The following UTRN variants were observed in gnomAD, a reference collection of about 807,000 sequenced individuals.
UTRN encodes utrophin.
UTRN carries 283 observed loss-of-function variants against 463.9 expected under a neutral mutation model. That is an observed-to-expected ratio of 0.61 (90% CI 0.55 to 0.67). The LOEUF (loss-of-function observed/expected upper bound fraction) is 0.67. Ranked by LOEUF, UTRN falls within the 30% of genes least tolerant of loss-of-function variation. The pLI is 0.00. For missense variants in UTRN, 3,922 were observed against 4,084.3 expected, an observed-to-expected ratio of 0.96 and a Z score of 1.08; for synonymous variants, 1,442 against 1,431.5, an observed-to-expected ratio of 1.01 and a Z score of -0.17.
intron 51 of UTRN, among the ~76,000 whole-genome samples, chr6:144,666,250 A>T (rs767670780): frequency 4.6e-5 from 7 of 152,210 alleles, no homozygotes; most frequent in Non-Finnish European, 7.3e-5. Context: ...ACGAAGAAAC[A>T]TGATTCATTA....
rs139945367 is a variant in UTRN, at chr6:144,299,603, C to T, written c.79+7696C>T. Among the ~76,000 whole-genome samples the T allele has an allele frequency of 1.4e-3, 214 of 152,032 alleles. 1 individual carries two copies. The highest frequency in any genetic ancestry group is 2.8e-3 in the African/African-American group (114 of 41,430). ...CTAGTGCCGACATATTTCTCCACTG[C>T]GCTCCTTAGTTATTGCTGCAGTGTG... On this transcript the variant is annotated intron_variant, in intron 2 of 74. Transcript: ENST00000367545.
At chr6:144,549,512 T>G (rs1798713808) in intron 47 of UTRN, among the ~76,000 whole-genome samples, 1 of 152,248 alleles carries the variant, frequency 6.6e-6, no homozygotes, top group African/African-American at 2.4e-5. Flanking sequence ...AGATAGGTAC[T>G]GTTTTTATCC....
chr6:144,548,582 C>A, intron 46 of UTRN, 58 bp from the exon 47 acceptor site: 1 of 1,521,802 alleles, frequency 6.6e-7, no homozygotes, highest in Non-Finnish European at 9.0e-7. Flanking sequence ...ACCATGACAC[C>A]ACCATAATTA....
chr6:144,376,309 G>T (rs1290694655), intron 2 of UTRN, among the ~76,000 whole-genome samples: 1 of 152,058 alleles, frequency 6.6e-6, no homozygotes, highest in Non-Finnish European at 1.5e-5. Flanking sequence ...ATAACAATTA[G>T]CTGGGTGTGG....
At chr6:144,802,088 A>C (rs561070712) in intron 64 of UTRN, among the ~76,000 whole-genome samples, 49 of 152,330 alleles carry the variant, frequency 3.2e-4, no homozygotes, top group Non-Finnish European at 6.0e-4. Context: ...AAAAGAGAGA[A>C]TGGCTATCTG....
At chr6:144,631,017 C>T (rs745521664) in intron 51 of UTRN, among the ~76,000 whole-genome samples, 14 of 152,228 alleles carry the variant, frequency 9.2e-5, no homozygotes, top group East Asian at 1.9e-4. Flanking sequence ...GTGGTATTAG[C>T]GGTCATGTCC....
At chr6:144,537,784 G>A (rs534121678) in intron 44 of UTRN, 67 bp downstream of exon 44, 5 of 1,534,032 alleles carry the variant, frequency 3.3e-6, no homozygotes, top group East Asian at 5.2e-5. Context: ...GTCACATACT[G>A]CGTGTCTCAA....
At position 144,713,489 on chromosome 6, in the gene UTRN, CT is replaced by C. The variant is rs554682039; in HGVS notation, c.7809+13247del. ...ATCAGCTGGGTGTGGTGGTGTATAC[CT>C]GTAATCCCAGCTACTTGGGAGGCTG... On this transcript the variant is annotated intron_variant, in intron 53 of 74. Coordinates refer to ENST00000367545, the MANE Select transcript of UTRN (RefSeq NM_007124.3). 2.4e-3 allele frequency among the ~76,000 whole-genome samples: 356 copies of C among 150,910 alleles called. 1 individual carries two copies. The highest frequency in any genetic ancestry group is 7.9e-3 in the African/African-American group (323 of 40,950).
rs138027475 is a variant in UTRN, at chr6:144,610,217, A to G, written c.7479+32929A>G. Among the ~76,000 whole-genome samples, 1,133 of 151,900 alleles carry G rather than the reference A, an allele frequency of 7.5e-3. 7 individuals are homozygous for G. The highest frequency in any genetic ancestry group is 0.012 in the Non-Finnish European group (829 of 67,944). On this transcript the variant is annotated intron_variant, in intron 51 of 74. Transcript: ENST00000367545. ...CAAGAAAAAAAAAAAGACCCAAAGA[A>G]GTAAATATCAGAAATGAAAAAGGAG...
chr6:144,364,176 C>A (rs1779313052), intron 2 of UTRN, among the ~76,000 whole-genome samples: 1 of 152,142 alleles, frequency 6.6e-6, no homozygotes, highest in South Asian at 2.1e-4. Context: ...ATTTGCGATT[C>A]CACTGCTTAA....
chr6:144,646,798 G>A (rs1360609185), intron 51 of UTRN, among the ~76,000 whole-genome samples: 2 of 152,080 alleles, frequency 1.3e-5, no homozygotes, highest in East Asian at 1.9e-4. Flanking sequence ...TCAGTGTACC[G>A]AAAATCAAAG....
intron 2 of UTRN, among the ~76,000 whole-genome samples, chr6:144,368,186 C>T (rs972092031): frequency 6.6e-6 from 1 of 152,164 alleles, no homozygotes; most frequent in Non-Finnish European, 1.5e-5. Context: ...ATGGTACAGG[C>T]TGTTGGGAAT....
intron 65 of UTRN, among the ~76,000 whole-genome samples, chr6:144,819,859 C>T (rs1708873728): frequency 7.3e-6 from 1 of 136,080 alleles, no homozygotes; most frequent in Admixed American, 7.4e-5. Flanking sequence ...TCTCCTTCTC[C>T]CCTTCTCCTC....
chr6:144,730,271 TG>T, intron 53 of UTRN, 85 bp from the exon 54 acceptor site: 2 of 1,317,352 alleles, frequency 1.5e-6, no homozygotes, highest in Non-Finnish European at 2.0e-6. Context: ...TTGCTAAGTG[TG>T]GTCAGAAGTG....
At chr6:144,446,974 C>T (rs1197469823) in intron 14 of UTRN, among the ~76,000 whole-genome samples, 1 of 152,114 alleles carries the variant, frequency 6.6e-6, no homozygotes, top group South Asian at 2.1e-4. Flanking sequence ...AGGTTTAGTT[C>T]CCTAGGTATG....
intron 51 of UTRN, among the ~76,000 whole-genome samples, chr6:144,664,588 A>G (rs535979466): frequency 6.6e-6 from 1 of 151,756 alleles, no homozygotes; most frequent in Admixed American, 6.6e-5. Flanking sequence ...CACAGATAAT[A>G]GGAAAAGAAC....
At chr6:144,665,124 AC>A (rs1245234230) in intron 51 of UTRN, among the ~76,000 whole-genome samples, 2 of 152,176 alleles carry the variant, frequency 1.3e-5, no homozygotes, top group African/African-American at 4.8e-5. Context: ...TCAGAAAAAA[AC>A]ATCACTGTTG....
intron 51 of UTRN, among the ~76,000 whole-genome samples, chr6:144,593,819 A>G (rs997623016): frequency 3.3e-5 from 5 of 152,234 alleles, no homozygotes; most frequent in Admixed American, 3.3e-4. Context: ...TGTATGCCAG[A>G]TCTTTTTGAC....
chr6:144,524,415 TAACA>T (rs1304757900), intron 41 of UTRN, among the ~76,000 whole-genome samples: 1 of 152,118 alleles, frequency 6.6e-6, no homozygotes, highest in Non-Finnish European at 1.5e-5. Flanking sequence ...GAGCCCTTAC[TAACA>T]TTGACAGGTT....
Sources: allele counts gnomAD v4.1 joint callset (sites outside exome capture counted in the v4.1 genomes callset), GRCh38; gene constraint gnomAD v4.1.1; transcripts MANE v1.5; gene names NCBI Gene and HGNC (gene_info 2026-07-23, HGNC 2026-07-21).